The following MCF2 variants were observed in gnomAD, a reference collection of about 807,000 sequenced individuals.
MCF2 encodes the protein MCF.2 cell line derived transforming sequence.
MCF2 carries 44 observed loss-of-function variants against 82.5 expected under a neutral mutation model. That is an observed-to-expected ratio of 0.53 (90% CI 0.42 to 0.69). MCF2 has a LOEUF of 0.69. MCF2 is among the 30% of genes least tolerant of loss of function. The probability of loss-of-function intolerance (pLI) is 0.00; values close to 1 mark genes in which losing one functional copy is unlikely to be tolerated. For missense variants in MCF2, 623 were observed against 663.1 expected, an observed-to-expected ratio of 0.94 and a Z score of 0.66; for synonymous variants, 217 against 224.9, an observed-to-expected ratio of 0.96 and a Z score of 0.32.
upstream of MCF2, among the ~76,000 whole-genome samples, chrX:139,647,215 T>C (rs1933831302): frequency 8.9e-6 from 1 of 111,799 alleles, no homozygotes; most frequent in Admixed American, 9.5e-5. Flanking sequence ...ACCAAGGGGT[T>C]GGGAAATAAC....
intron 2 of MCF2, 38 bp downstream of exon 5, chrX:139,632,297 A>G (rs924807756): frequency 9.0e-6 from 10 of 1,113,894 alleles, no homozygotes; most frequent in Non-Finnish European, 1.2e-5. Context: ...TCTTCATGAG[A>G]ATTAGAGGAA....
chrX:139,586,265 T>A (rs948936173), intron 23 of MCF2, 113 bp downstream of exon 27: 3 of 520,455 alleles, frequency 5.8e-6, no homozygotes, highest in Non-Finnish European at 1.0e-5. Context: ...AAAAATGGGT[T>A]AACTGTATTT....
intron 7 of MCF2, 36 bp from the exon 11 acceptor site, chrX:139,617,740 G>T: frequency 1.1e-6 from 1 of 925,209 alleles, no homozygotes; most frequent in South Asian, 3.1e-5. Flanking sequence ...ATGAATACAT[G>T]ATCTCTGTTC....
At chrX:139,697,345 A>G (rs1291867628) in intron 1 of MCF2, among the ~76,000 whole-genome samples, 1 of 112,013 alleles carries the variant, frequency 8.9e-6, no homozygotes, top group African/African-American at 3.2e-5. Flanking sequence ...ATTCCTAATG[A>G]TATTATTTGA....
intron 6 of MCF2, among the ~76,000 whole-genome samples, chrX:139,621,233 T>A (rs1417755663): frequency 1.8e-5 from 2 of 111,330 alleles, no homozygotes; most frequent in African/African-American, 3.3e-5. Context: ...AAGACCTCAA[T>A]ATACAAGAAT....
chrX:139,602,457 C>T (rs1382735629), exon 16 of MCF2: 1 of 1,200,921 alleles, frequency 8.3e-7, no homozygotes, highest in Non-Finnish European at 1.1e-6. Flanking sequence ...CTGATCTGGG[C>T]TTATTCTGAC....
chrX:139,602,114 C>T (rs778179663), intron 16 of MCF2, among the ~76,000 whole-genome samples: 16 of 110,511 alleles, frequency 1.4e-4, no homozygotes, highest in Non-Finnish European at 2.3e-4. Context: ...GGTGGAGGGG[C>T]GTGAAAGAGA....
At chrX:139,696,517 G>A (rs1047943702) in intron 1 of MCF2, among the ~76,000 whole-genome samples, 56 of 110,520 alleles carry the variant, frequency 5.1e-4, no homozygotes, top group Middle Eastern at 4.6e-3. Context: ...TCCACCACCC[G>A]GGCTCAAGCG....
chrX:139,628,681 A>G (rs1207792003), intron 4 of MCF2, among the ~76,000 whole-genome samples: 2 of 112,106 alleles, frequency 1.8e-5, no homozygotes, highest in Non-Finnish European at 3.8e-5. Flanking sequence ...CTCTATATAC[A>G]GCTTTAATCT....
At chrX:139,638,175 A>T (rs1478650965) in intron 1 of MCF2, among the ~76,000 whole-genome samples, 4 of 111,659 alleles carry the variant, frequency 3.6e-5, no homozygotes, top group Non-Finnish European at 7.5e-5. Context: ...AGGTTTTGTG[A>T]GGTCAGGCAA....
chrX:139,678,589 T>C (rs185666005), intron 1 of MCF2, among the ~76,000 whole-genome samples: 140 of 112,042 alleles, frequency 1.2e-3, no homozygotes, highest in African/African-American at 3.9e-3. Flanking sequence ...GAATTAGTAA[T>C]TAATATCAAG....
At chrX:139,621,125 T>G (rs1476002440) in intron 6 of MCF2, among the ~76,000 whole-genome samples, 1 of 111,281 alleles carries the variant, frequency 9.0e-6, no homozygotes, top group Non-Finnish European at 1.9e-5. Flanking sequence ...CAAATGGTGC[T>G]GAGATAGCTG....
chrX:139,679,877 A>T (rs1289708703), intron 1 of MCF2, among the ~76,000 whole-genome samples: 1 of 110,049 alleles, frequency 9.1e-6, no homozygotes, highest in Non-Finnish European at 1.9e-5. Context: ...AATAATTAAG[A>T]CCTGTTTCCA....
chrX:139,682,180 G>A (rs974789194), intron 1 of MCF2, among the ~76,000 whole-genome samples: 10 of 111,505 alleles, frequency 9.0e-5, no homozygotes, highest in African/African-American at 3.3e-4. Context: ...CTGGTGGGAA[G>A]TGACAGTGAG....
intron 1 of MCF2, among the ~76,000 whole-genome samples, chrX:139,706,740 T>C (rs1403572558): frequency 1.8e-5 from 2 of 110,133 alleles, no homozygotes; most frequent in South Asian, 3.9e-4. Context: ...CAAAATGACA[T>C]TGAACTTCTC....
At chrX:139,588,060 C>T (rs1446981156) in intron 21 of MCF2, among the ~76,000 whole-genome samples, 1 of 111,312 alleles carries the variant, frequency 9.0e-6, no homozygotes, top group Admixed American at 9.6e-5. Context: ...AATGATTACT[C>T]GAGATATTAA....
At chrX:139,599,858 A>G (rs1360550114) in intron 16 of MCF2, among the ~76,000 whole-genome samples, 1 of 112,023 alleles carries the variant, frequency 8.9e-6, no homozygotes, top group Non-Finnish European at 1.9e-5. Flanking sequence ...AAACTTATGC[A>G]AAAGCATTCT....
intron 22 of MCF2, among the ~76,000 whole-genome samples, chrX:139,586,716 A>G (rs552143709): frequency 9.0e-6 from 1 of 110,651 alleles, no homozygotes; most frequent in Admixed American, 9.7e-5. Flanking sequence ...GAGAAAAACT[A>G]CTCCCTTCTA....
At chrX:139,645,069 G>A (rs1933755987), upstream of MCF2, among the ~76,000 whole-genome samples, 1 of 110,626 alleles carries the variant, frequency 9.0e-6, no homozygotes, top group Non-Finnish European at 1.9e-5. Flanking sequence ...GATACCAGTA[G>A]GGAAGTTATA....
Sources: gnomAD v4.1 joint callset for allele counts (sites outside exome capture counted in the v4.1 genomes callset) on GRCh38, gnomAD v4.1.1 for gene constraint, MANE v1.5 for transcripts, NCBI Gene and HGNC (gene_info 2026-07-23, HGNC 2026-07-21) for gene names.